DENND5B: variants seen among roughly 807,000 people sequenced by gnomAD.
DENND5B encodes the protein DENN domain-containing protein 5B.
Under a neutral mutation model 140.6 loss-of-function variants are expected in DENND5B, and 34 were observed. That is an observed-to-expected ratio of 0.24 (90% CI 0.18 to 0.32). The LOEUF is 0.32. Ranked by LOEUF, DENND5B falls within the 10% of genes least tolerant of loss-of-function variation. The probability of loss-of-function intolerance (pLI) is 1.00; values close to 1 mark genes in which losing one functional copy is unlikely to be tolerated. For synonymous variants in DENND5B, 551 were observed against 562.1 expected, an observed-to-expected ratio of 0.98 and a Z score of 0.28; for missense variants, 1,142 against 1,560.2, an observed-to-expected ratio of 0.73 and a Z score of 4.52.
At chr12:31,396,859 T>G (rs1385225966) in intron 17 of DENND5B, among the ~76,000 whole-genome samples, 1 of 152,132 alleles carries the variant, frequency 6.6e-6, no homozygotes, top group Non-Finnish European at 1.5e-5. Context: ...TGATCTCAAG[T>G]GATCTGCCCA....
chr12:31,487,065 T>C (rs1946336662), intron 2 of DENND5B, among the ~76,000 whole-genome samples: 1 of 152,108 alleles, frequency 6.6e-6, no homozygotes, highest in Non-Finnish European at 1.5e-5. Context: ...ACTGATAACA[T>C]GGGTAAAAAG....
At chr12:31,531,954 G>A (rs1332658981) in intron 1 of DENND5B, among the ~76,000 whole-genome samples, 1 of 152,098 alleles carries the variant, frequency 6.6e-6, no homozygotes, top group Non-Finnish European at 1.5e-5. Flanking sequence ...AACGTTTATG[G>A]AGCCATTTCA....
intron 1 of DENND5B, among the ~76,000 whole-genome samples, chr12:31,581,059 T>A (rs1225319446): frequency 6.6e-6 from 1 of 152,140 alleles, no homozygotes; most frequent in Non-Finnish European, 1.5e-5. Context: ...GAGCTGTGAT[T>A]GAAGTATTGC....
At chr12:31,518,370 A>T (rs1330855572) in intron 1 of DENND5B, among the ~76,000 whole-genome samples, 1 of 152,174 alleles carries the variant, frequency 6.6e-6, no homozygotes, top group Non-Finnish European at 1.5e-5. Flanking sequence ...CTAAGGTGAG[A>T]ATTAAAGACA....
intron 1 of DENND5B, among the ~76,000 whole-genome samples, chr12:31,572,476 A>G (rs1949858982): frequency 6.6e-6 from 1 of 151,816 alleles, no homozygotes; most frequent in Non-Finnish European, 1.5e-5. Context: ...AGGATGTAAA[A>G]CAATAACAAA....
At chr12:31,571,800 G>C (rs1215712617) in intron 1 of DENND5B, among the ~76,000 whole-genome samples, 2 of 152,046 alleles carry the variant, frequency 1.3e-5, no homozygotes, top group Non-Finnish European at 2.9e-5. Context: ...GTAGAGACAG[G>C]GTTTCACCAT....
chr12:31,443,044 T>C lies in DENND5B; in HGVS notation c.1862-119A>G, dbSNP rs1056229759. 4.0e-5 allele frequency: 20 copies of C among 506,154 alleles called. No homozygotes were observed. The East Asian group carries it at 6.8e-4, about 17-fold the overall frequency. 31.4% of individuals were successfully genotyped at this position (506,154 alleles called of 1,614,324 possible). ...TCACTCTGACACTCTGAAACAGATA[T>C]TGTGTGTGTGTGTGTGTGTGCACGC... On this transcript the variant is annotated intron_variant, in intron 6 of 20. Coordinates refer to ENST00000389082, the MANE Select transcript of DENND5B (RefSeq NM_144973.4).
chr12:31,550,577 G>T (rs36173682), intron 1 of DENND5B, among the ~76,000 whole-genome samples: 41 of 151,528 alleles, frequency 2.7e-4, no homozygotes, highest in African/African-American at 9.7e-4. Context: ...TGGGTATATA[G>T]CCAGTAATGG....
At chr12:31,478,142 T>A (rs564706266) in intron 3 of DENND5B, among the ~76,000 whole-genome samples, 54 of 152,156 alleles carry the variant, frequency 3.5e-4, no homozygotes, top group Non-Finnish European at 6.8e-4. Flanking sequence ...AGAGAATAAC[T>A]TCCTGACAAC....
chr12:31,557,158 T>C (rs947921515), intron 1 of DENND5B, among the ~76,000 whole-genome samples: 18 of 152,202 alleles, frequency 1.2e-4, no homozygotes, highest in Admixed American at 1.0e-3. Context: ...ATATGATTAG[T>C]AAGACATTAA....
intron 19 of DENND5B, among the ~76,000 whole-genome samples, chr12:31,391,763 C>T (rs1033134650): frequency 2.6e-5 from 4 of 152,072 alleles, no homozygotes; most frequent in South Asian, 2.1e-4. Context: ...TGGGCTCAAG[C>T]GATTCTCTTG....
At chr12:31,557,814 CAA>C (rs71445804) in intron 1 of DENND5B, among the ~76,000 whole-genome samples, 16,999 of 80,966 alleles carry the variant, frequency 0.21, 1,176 homozygotes, top group East Asian at 0.3. Flanking sequence ...GCTGTGGTGG[CAA>C]AAAAAAAAAA....
chr12:31,517,565 T>C (rs1947708612), intron 1 of DENND5B, among the ~76,000 whole-genome samples: 2 of 152,202 alleles, frequency 1.3e-5, no homozygotes. Context: ...TCAGTTAAAT[T>C]AACAGCTGTA....
intron 5 of DENND5B, among the ~76,000 whole-genome samples, chr12:31,449,149 G>C (rs1944401564): frequency 6.6e-6 from 1 of 152,208 alleles, no homozygotes; most frequent in Non-Finnish European, 1.5e-5. Context: ...GCAGAAGCCA[G>C]AAGGGGAAAG....
chr12:31,515,763 G>A (rs1399599652), intron 1 of DENND5B, among the ~76,000 whole-genome samples: 2 of 152,124 alleles, frequency 1.3e-5, no homozygotes, highest in Non-Finnish European at 2.9e-5. Context: ...AATATTACTG[G>A]TATAAATAGA....
At chr12:31,546,676 A>T (rs1041935137) in intron 1 of DENND5B, among the ~76,000 whole-genome samples, 2 of 152,120 alleles carry the variant, frequency 1.3e-5, no homozygotes, top group African/African-American at 4.8e-5. Flanking sequence ...ACAGAGCGAG[A>T]CTCCATCTCA....
intron 1 of DENND5B, among the ~76,000 whole-genome samples, chr12:31,550,235 C>A (rs1269231850): frequency 2.7e-5 from 3 of 111,748 alleles, no homozygotes; most frequent in African/African-American, 3.5e-5. Context: ...CCACAACAGT[C>A]CCCAGTGTGT....
intron 3 of DENND5B, among the ~76,000 whole-genome samples, chr12:31,468,115 G>A (rs542091847): frequency 2.2e-4 from 34 of 152,136 alleles, no homozygotes; most frequent in Non-Finnish European, 4.4e-5. Flanking sequence ...TTGGCCAGGT[G>A]TGGTGGCATG....
chr12:31,439,599 T>C (rs117994147), intron 7 of DENND5B, among the ~76,000 whole-genome samples: 3,140 of 151,642 alleles, frequency 0.021, 52 homozygotes, highest in Non-Finnish European at 0.026. Flanking sequence ...CATAAATATT[T>C]GCCAAATGAA....
Sources: gnomAD v4.1 joint callset for allele counts (sites outside exome capture counted in the v4.1 genomes callset) on GRCh38, gnomAD v4.1.1 for gene constraint, MANE v1.5 for transcripts, NCBI Gene and HGNC (gene_info 2026-07-23, HGNC 2026-07-21) for gene names.